The following CRIM1 variants were observed in gnomAD, a reference collection of about 807,000 sequenced individuals.
The protein encoded by CRIM1 is cysteine rich transmembrane BMP regulator 1, also known as cysteine-rich motor neuron 1 protein.
Under a neutral mutation model 116.4 loss-of-function variants are expected in CRIM1, and 32 were observed. The observed-to-expected ratio is 0.27, with a 90% CI of 0.21 to 0.37. CRIM1 has a LOEUF of 0.37. CRIM1 is among the 10% of genes least tolerant of loss of function. The pLI is 1.00. For synonymous variants in CRIM1, 590 were observed against 509.2 expected, an observed-to-expected ratio of 1.16 and a Z score of -2.13; for missense variants, 1,331 against 1,354.8, an observed-to-expected ratio of 0.98 and a Z score of 0.28.
At chr2:36,533,387 A>C (rs1337102832) in intron 13 of CRIM1, among the ~76,000 whole-genome samples, 1 of 149,870 alleles carries the variant, frequency 6.7e-6, no homozygotes, top group Admixed American at 6.7e-5. Context: ...CCAGGAGTTC[A>C]AGACCAGCCT....
chr2:36,426,103 A>G (rs1258158419), intron 2 of CRIM1, among the ~76,000 whole-genome samples: 1 of 152,242 alleles, frequency 6.6e-6, no homozygotes, highest in Non-Finnish European at 1.5e-5. Context: ...CTAGAAAGTG[A>G]TGATTCTTTA....
chr2:36,541,571 A>G (rs542546576), intron 14 of CRIM1, among the ~76,000 whole-genome samples: 1 of 152,278 alleles, frequency 6.6e-6, no homozygotes, highest in East Asian at 1.9e-4. Context: ...GTAAGCACCA[A>G]GCACCTCGCC....
chr2:36,436,906 A>G (rs1017733068), intron 2 of CRIM1, among the ~76,000 whole-genome samples: 1 of 152,360 alleles, frequency 6.6e-6, no homozygotes, highest in African/African-American at 2.4e-5. Context: ...AAACATATAA[A>G]TTACTTAGCA....
At chr2:36,503,070 T>C (rs147910764) in intron 8 of CRIM1, among the ~76,000 whole-genome samples, 99 of 152,312 alleles carry the variant, frequency 6.5e-4, no homozygotes, top group Admixed American at 2.7e-3. Context: ...ACCTCCCCCA[T>C]TCGTATTAGC....
At chr2:36,477,663 A>G (rs1679088851) in intron 6 of CRIM1, among the ~76,000 whole-genome samples, 1 of 152,166 alleles carries the variant, frequency 6.6e-6, no homozygotes, top group Non-Finnish European at 1.5e-5. Flanking sequence ...ACTCTCAGGA[A>G]TCTGCTTTGT....
intron 4 of CRIM1, among the ~76,000 whole-genome samples, chr2:36,448,028 C>A (rs1167323414): frequency 6.6e-6 from 1 of 152,174 alleles, no homozygotes; most frequent in Admixed American, 6.5e-5. Context: ...AGCCTCTGAG[C>A]CACCGCTTCA....
chr2:36,414,670 G>C (rs182140915), intron 2 of CRIM1, among the ~76,000 whole-genome samples: 1 of 152,224 alleles, frequency 6.6e-6, no homozygotes, highest in Non-Finnish European at 1.5e-5. Context: ...CAAAGAGCTC[G>C]TGGAAGAACA....
At chr2:36,520,149 C>T (rs1170656987) in intron 12 of CRIM1, among the ~76,000 whole-genome samples, 3 of 152,216 alleles carry the variant, frequency 2.0e-5, no homozygotes, top group Non-Finnish European at 4.4e-5. Context: ...GACTCTACCT[C>T]GGCTCCAGCC....
At chr2:36,359,625 G>A (rs892541348) in intron 1 of CRIM1, among the ~76,000 whole-genome samples, 2 of 152,178 alleles carry the variant, frequency 1.3e-5, no homozygotes, top group Non-Finnish European at 2.9e-5. Flanking sequence ...TTTTCTGAAT[G>A]ATTAAATAAT....
chr2:36,524,983 A>G (rs1318704186), intron 13 of CRIM1, among the ~76,000 whole-genome samples: 1 of 152,122 alleles, frequency 6.6e-6, no homozygotes, highest in East Asian at 1.9e-4. Flanking sequence ...TCGTAATGGT[A>G]TAGTGGACAT....
At chr2:36,479,380 C>T in intron 6 of CRIM1, 117 bp from the exon 7 acceptor site, 1 of 949,682 alleles carries the variant, frequency 1.1e-6, no homozygotes, top group Non-Finnish European at 1.6e-6. Context: ...TTCTGTTGAT[C>T]ACAGTGGGAA....
chr2:36,513,368 C>T, intron 10 of CRIM1, 188 bp from the exon 11 acceptor site: 1 of 562,782 alleles, frequency 1.8e-6, no homozygotes, highest in Non-Finnish European at 3.2e-6. Flanking sequence ...GTTTTTTTCT[C>T]TCTTTTCTTT....
intron 2 of CRIM1, among the ~76,000 whole-genome samples, chr2:36,434,266 A>G (rs552351502): frequency 4.1e-4 from 63 of 152,382 alleles, no homozygotes; most frequent in Non-Finnish European, 7.6e-4. Context: ...AACAAGTGAA[A>G]TAGAACAGCC....
At chr2:36,359,075 T>C (rs1243405144) in intron 1 of CRIM1, among the ~76,000 whole-genome samples, 1 of 152,214 alleles carries the variant, frequency 6.6e-6, no homozygotes, top group Admixed American at 6.5e-5. Context: ...AATTTCGGAA[T>C]GGCCAGTGTT....
chr2:36,414,333 A>G (rs977949963), intron 2 of CRIM1, among the ~76,000 whole-genome samples: 2 of 152,226 alleles, frequency 1.3e-5, no homozygotes, highest in Non-Finnish European at 2.9e-5. Flanking sequence ...TTATATGTTT[A>G]TTCTGTAGAG....
rs145997112 is a variant in CRIM1, at chr2:36,372,481, A to G, written c.331+15858A>G. On this transcript the variant is annotated intron_variant, in intron 1 of 16. Transcript: ENST00000280527. ...TAAGACATTAGAAACTTAAGGATAC[A>G]TAGCAAATTAAAACCTTGATACATT... Among the ~76,000 whole-genome samples, 630 of 152,336 alleles carry G rather than the reference A, an allele frequency of 4.1e-3. 7 individuals are homozygous for G. Among genetic ancestry groups the G allele is most frequent in the African/African-American group, 0.014 (596 of 41,568 alleles).
At chr2:36,547,863 C>T (rs527843527) in intron 16 of CRIM1, among the ~76,000 whole-genome samples, 1 of 152,270 alleles carries the variant, frequency 6.6e-6, no homozygotes, top group South Asian at 2.1e-4. Flanking sequence ...CTAATTCTAC[C>T]TTTTGCCTTG....
At chr2:36,417,368 A>C (rs900174215) in intron 2 of CRIM1, among the ~76,000 whole-genome samples, 1 of 152,164 alleles carries the variant, frequency 6.6e-6, no homozygotes, top group Non-Finnish European at 1.5e-5. Context: ...ATATTAACAT[A>C]TTTCAATTTT....
At chr2:36,392,459 T>TC (rs1345610502) in intron 1 of CRIM1, among the ~76,000 whole-genome samples, 1 of 152,056 alleles carries the variant, frequency 6.6e-6, no homozygotes, top group Non-Finnish European at 1.5e-5. Flanking sequence ...CTTTTTTTTT[T>TC]TCCTGACCAG....
Sources: gnomAD v4.1 joint callset for allele counts (sites outside exome capture counted in the v4.1 genomes callset) on GRCh38, gnomAD v4.1.1 for gene constraint, MANE v1.5 for transcripts, NCBI Gene and HGNC (gene_info 2026-07-23, HGNC 2026-07-21) for gene names.